The following DCT variants were observed in gnomAD, a reference collection of about 807,000 sequenced individuals.
The protein encoded by DCT is L-dopachrome tautomerase.
DCT carries 47 observed loss-of-function variants against 53.0 expected under a neutral mutation model. The observed-to-expected ratio is 0.89, with a 90% CI of 0.70 to 1.13. The LOEUF (loss-of-function observed/expected upper bound fraction) is 1.13. Ranked by LOEUF, DCT falls within the 50% of genes most tolerant of loss-of-function variation. The pLI is 0.00. For synonymous variants in DCT, 244 were observed against 237.0 expected (o/e 1.03, Z -0.27); for missense variants, 669 against 637.4 (o/e 1.05, Z -0.53).
chr13:94,511,825 A>AGTGTGT, the DCT span, among the ~76,000 whole-genome samples: 210 of 143,784 alleles, frequency 1.5e-3, 2 homozygotes, highest in South Asian at 5.6e-3. Flanking sequence ...CAGCATTGTC[A>AGTGTGT]GTGTGTGTGT....
intron 1 of DCT, among the ~76,000 whole-genome samples, chr13:94,471,392 T>C (rs59468724): frequency 0.088 from 13,325 of 152,170 alleles, 729 homozygotes; most frequent in African/African-American, 0.14. Context: ...AGTTAAAATA[T>C]TGAAAAAAGG....
At chr13:94,444,262 A>C (rs770048918) in intron 6 of DCT, 15 of 295,076 alleles carry the variant, frequency 5.1e-5, no homozygotes, top group Non-Finnish European at 9.5e-5. Flanking sequence ...AAATCTGAAA[A>C]AATTCAAAAT....
At chr13:94,514,315 CG>C in the DCT span, among the ~76,000 whole-genome samples, 53,575 of 151,950 alleles carry the variant, frequency 0.35, 9,822 homozygotes, top group East Asian at 0.61. Context: ...ACCACCAAAA[CG>C]GGGGTGGGCA....
chr13:94,510,589 G>A, the DCT span, among the ~76,000 whole-genome samples: 1 of 152,184 alleles, frequency 6.6e-6, no homozygotes, highest in South Asian at 2.1e-4. Context: ...AATTTTACCT[G>A]TTTCTTTTTA....
chr13:94,481,719 TA>T (rs370969221), upstream of DCT, among the ~76,000 whole-genome samples: 171 of 152,300 alleles, frequency 1.1e-3, no homozygotes, highest in African/African-American at 4.0e-3. Flanking sequence ...CCCAGACTCA[TA>T]TTATCTAACT....
chr13:94,544,031 T>C, the DCT span, among the ~76,000 whole-genome samples: 2 of 103,738 alleles, frequency 1.9e-5, no homozygotes, highest in Admixed American at 1.1e-4. Flanking sequence ...CAAGACTCTG[T>C]CTCAAAAAAA....
At chr13:94,536,822 T>C in the DCT span, among the ~76,000 whole-genome samples, 2 of 152,108 alleles carry the variant, frequency 1.3e-5, no homozygotes, top group Non-Finnish European at 2.9e-5. Flanking sequence ...TGGGAGCTTG[T>C]AATCCCAGCT....
chr13:94,439,423 G>A lies in DCT; in HGVS notation c.*475C>T, dbSNP rs1882112371. ...GTTTATAGCTAAAAGGGATCTTGGA[G>A]ACTCATCTAGCACCTACCAACTCCC... On this transcript the variant is annotated 3_prime_UTR_variant, in exon 8 of 8. Coordinates refer to ENST00000377028, the MANE Select transcript of DCT (RefSeq NM_001922.5). 1 of 152,500 alleles carries A rather than the reference G, an allele frequency of 6.6e-6. No homozygotes were observed. Among genetic ancestry groups the A allele is most frequent in the African/African-American group, 2.4e-5 (1 of 41,442 alleles). 9.4% of individuals were successfully genotyped at this position (152,500 alleles called of 1,614,324 possible).
intron 1 of DCT, among the ~76,000 whole-genome samples, chr13:94,478,323 A>G (rs1272411818): frequency 6.6e-6 from 1 of 152,104 alleles, no homozygotes; most frequent in East Asian, 1.9e-4. Flanking sequence ...CTCGAAATAC[A>G]AAAATTAGCC....
chr13:94,444,630 T>C (rs1882600904), intron 6 of DCT, among the ~76,000 whole-genome samples: 1 of 152,232 alleles, frequency 6.6e-6, no homozygotes. Flanking sequence ...GAGTTCCTTG[T>C]TCCTTCCTGG....
intron 1 of DCT, among the ~76,000 whole-genome samples, chr13:94,470,751 GCTCT>G (rs1485562509): frequency 1.3e-5 from 2 of 152,060 alleles, no homozygotes; most frequent in Admixed American, 6.5e-5. Context: ...TCACGTTTGT[GCTCT>G]CTAAGGTCAT....
the DCT span, among the ~76,000 whole-genome samples, chr13:94,526,715 T>C: frequency 0.4 from 61,361 of 151,886 alleles, 13,131 homozygotes; most frequent in East Asian, 0.62. Flanking sequence ...ACGCAAAAGA[T>C]GGGTGATTTC....
chr13:94,461,973 C>A, intron 5 of DCT, 37 bp downstream of exon 5: 1 of 1,580,276 alleles, frequency 6.3e-7, no homozygotes, highest in Non-Finnish European at 8.7e-7. Flanking sequence ...AAAACCTGTA[C>A]TGTACAGGCA....
At chr13:94,501,224 G>A in the DCT span, among the ~76,000 whole-genome samples, 2 of 151,990 alleles carry the variant, frequency 1.3e-5, no homozygotes, top group African/African-American at 2.4e-5. Context: ...AACGGAGATC[G>A]CACCACTGCA....
chr13:94,499,801 C>T, the DCT span, among the ~76,000 whole-genome samples: 2 of 152,176 alleles, frequency 1.3e-5, no homozygotes, highest in South Asian at 2.1e-4. Context: ...CCTTCACTCT[C>T]TCCATAGGAG....
intron 6 of DCT, chr13:94,452,595 C>A: frequency 1.3e-6 from 1 of 757,640 alleles, no homozygotes; most frequent in Non-Finnish European, 2.4e-6. Flanking sequence ...GGATTCTATT[C>A]TCTTTACTTA....
chr13:94,475,749 T>C (rs1393417533), intron 1 of DCT, among the ~76,000 whole-genome samples: 1 of 152,220 alleles, frequency 6.6e-6, no homozygotes, highest in Non-Finnish European at 1.5e-5. Context: ...ATGTTCATTA[T>C]CTTGATTGTG....
chr13:94,507,725 C>T, the DCT span, among the ~76,000 whole-genome samples: 4 of 152,154 alleles, frequency 2.6e-5, no homozygotes, highest in African/African-American at 9.7e-5. Context: ...TGGTCTCGAT[C>T]TCCTGACCTC....
chr13:94,468,758 C>A lies in DCT; in HGVS notation c.583G>T (p.Asp195Tyr). The A allele has an allele frequency of 6.2e-7, 1 of 1,613,914 alleles. No homozygotes were observed. The highest frequency in any genetic ancestry group is 8.5e-7 in the Non-Finnish European group (1 of 1,179,952). Residue 195 changes from aspartate (D) to tyrosine (Y), a missense_variant, in exon 2 of 8, where the codon GAT (aspartate) becomes TAT (tyrosine). By Grantham distance (160) the Asp-to-Tyr change is radical (BLOSUM62 -3). Coordinates refer to ENST00000377028, the MANE Select transcript of DCT (RefSeq NM_001922.5). ...GGAAAAAACCCACCTAATAATGTAT[C>A]TCTAACAGAATAATAATGGAGCCAC... ...FVWLHYYSVR[D>Y]TLLGPGRPYR...
Sources: gnomAD v4.1 joint callset for allele counts (sites outside exome capture counted in the v4.1 genomes callset) on GRCh38, gnomAD v4.1.1 for gene constraint, MANE v1.5 for transcripts, NCBI Gene and HGNC (gene_info 2026-07-23, HGNC 2026-07-21) for gene names.